EPPK1: variants seen among roughly 807,000 people sequenced by gnomAD.
The protein encoded by EPPK1 is epiplakin.
For synonymous variants in EPPK1, 1,862 were observed against 1,721.2 expected, an observed-to-expected ratio of 1.08 and a Z score of -2.03; for missense variants, 3,823 against 3,673.3, an observed-to-expected ratio of 1.04 and a Z score of -1.05.
chr8:143,873,047 C>T lies in EPPK1; in HGVS notation c.207G>A (p.Gly69=). ...GGGCCTCTAGCAGAGCCTGCCCGAG[C>T]CCAGCAGGCAGGAGGCCCTGCTCCA... ...AAMEQGLLPA[G]LGQALLEAQA... The change falls in exon 2 of 2, where the codon GGG becomes GGA. Residue 69 remains glycine (G), a synonymous_variant. Transcript: ENST00000615648. The T allele has an allele frequency of 1.3e-6, 2 of 1,563,702 alleles. No homozygotes were observed. Among genetic ancestry groups the T allele is most frequent in the Non-Finnish European group, 1.7e-6 (2 of 1,154,360 alleles).
intron 1 of EPPK1, 81 bp downstream of exon 1, chr8:143,878,357 C>A (rs1259934663): frequency 7.1e-6 from 1 of 140,108 alleles, no homozygotes. Context: ...CGAGCCCGCA[C>A]CCGCACCCGC....
chr8:143,872,538 C>A lies in EPPK1; in HGVS notation c.716G>T (p.Gly239Val). Residue 239 changes from glycine to valine, a missense_variant, in exon 2 of 2, where the codon GGC becomes GTC. Physicochemically the swap from Gly to Val is moderately radical, Grantham distance 109 (BLOSUM62 -3). Coordinates refer to ENST00000615648, the MANE Select transcript of EPPK1 (RefSeq NM_031308.4). ...LPLKITFRSM[G>V]GAVSAAELLE... is the part of the protein sequence containing the mutation. ...CAGCTCAGCTGCACTCACCGCCCCG[C>A]CCATGGAGCGGAAGGTGATCTTGAG... The A allele has an allele frequency of 1.9e-6, 3 of 1,604,216 alleles. No homozygotes were observed. Among genetic ancestry groups the A allele is most frequent in the Non-Finnish European group, 2.5e-6 (3 of 1,178,106 alleles).
In EPPK1 at chr8:143,857,454, G is replaced by A. The variant is rs1297607324; in HGVS notation, c.*533C>T. The stretch of plus-strand genomic sequence containing the variant: ...AAGGTGGAGCAGCAGCCAATGGAGA[G>A]AATAAAGCCCATGCTTTTGGCCAGC... On this transcript the variant is annotated 3_prime_UTR_variant, in exon 2 of 2. Coordinates refer to ENST00000615648, the MANE Select transcript of EPPK1 (RefSeq NM_031308.4). 1.3e-5 allele frequency: 2 copies of A among 154,044 alleles called. No homozygotes were observed. Among genetic ancestry groups the A allele is most frequent in the Non-Finnish European group, 2.9e-5 (2 of 69,416 alleles). 9.5% of individuals were successfully genotyped at this position (154,044 alleles called of 1,614,324 possible).
chr8:143,872,935 C>A lies in EPPK1; in HGVS notation c.319G>T (p.Glu107Ter). 6.2e-7 allele frequency: 1 copy of A among 1,610,210 alleles called. No homozygotes were observed. Among genetic ancestry groups the A allele is most frequent in the Non-Finnish European group, 8.5e-7 (1 of 1,178,052 alleles). ...GCGGCCAGCAGCTTCTCCTTCAGCT[C>A]CAGCCCCACCAGACCCTGCTGCAGG... ...KALQQGLVGL[E>*]LKEKLLAAER... Residue 107 changes from glutamate to a stop codon, truncating the protein, a stop_gained, in exon 2 of 2, where the codon GAG (glutamate) becomes TAG (stop). Transcript: ENST00000615648. LOFTEE classifies it low-confidence loss of function (END_TRUNC).
rs782467181 is a variant in EPPK1 at position 143,870,713 on chromosome 8, C to G, written c.2541G>C (p.Arg847Ser). The change falls in exon 2 of 2, where the codon AGG becomes AGC. Residue 847 changes from arginine (R) to serine (S), a missense_variant. Coordinates refer to ENST00000615648, the MANE Select transcript of EPPK1 (RefSeq NM_031308.4). The surrounding 1 kb of genome is among the most constrained non-coding windows in gnomAD (Gnocchi z 5.2). ...GCCGGTAGCGACGCAGCAGCTGCCT[C>G]CTGCGGCCCTCGCTGAAGTACTCAG... ...INSEYFSEGR[R>S]RQLLRRYRQR... 1.9e-6 allele frequency: 3 copies of G among 1,611,176 alleles called. No homozygotes were observed. The highest frequency in any genetic ancestry group is 2.5e-6 in the Non-Finnish European group (3 of 1,179,136).
At chr8:143,875,786 G>A (rs933182470) in intron 1 of EPPK1, among the ~76,000 whole-genome samples, 17 of 152,252 alleles carry the variant, frequency 1.1e-4, no homozygotes, top group African/African-American at 4.1e-4. Flanking sequence ...CTTCCTGAAG[G>A]CACAGCCGGG....
In EPPK1 at chr8:143,869,082, T is replaced by C. The variant is rs1819243873; in HGVS notation, c.4172A>G (p.Gln1391Arg). 6.2e-7 allele frequency: 1 copy of C among 1,607,668 alleles called. No homozygotes were observed. Among genetic ancestry groups the C allele is most frequent in the Non-Finnish European group, 8.5e-7 (1 of 1,179,804 alleles). Residue 1391 changes from glutamine to arginine, a missense_variant, in exon 2 of 2, where the codon CAG becomes CGG. Gln to Arg is a conservative substitution (Grantham distance 43, BLOSUM62 1). Transcript: ENST00000615648. ...RLGLLDTQTS[Q>R]VLTAVDKDNK... is the part of the protein sequence containing the mutation. Reference sequence around the variant, plus strand: ...GTCCTTGTCAACTGCAGTCAGCACCTGGCTCGTCTGTGTGTCCAGAAGGCC... The same window carrying C: ...GTCCTTGTCAACTGCAGTCAGCACCCGGCTCGTCTGTGTGTCCAGAAGGCC...
At position 143,864,266 on chromosome 8, in the gene EPPK1, G is replaced by A. The variant is rs2130609747; in HGVS notation, c.8988C>T (p.Tyr2996=). 2 of 260,812 alleles carry A rather than the reference G, an allele frequency of 7.7e-6. No individual in the cohort carries two copies. The highest frequency in any genetic ancestry group is 7.6e-5 in the East Asian group (2 of 26,274). 16.2% of individuals were successfully genotyped at this position (260,812 alleles called of 1,614,324 possible). A position where few individuals can be genotyped will look rare whatever the true frequency, so the allele number is the denominator to read the frequency against. The change falls in exon 2 of 2, where the codon TAC becomes TAT. Residue 2996 remains tyrosine, a synonymous_variant. Coordinates refer to ENST00000615648, the MANE Select transcript of EPPK1 (RefSeq NM_031308.4). The stretch of plus-strand genomic sequence containing the variant: ...GGCGCCGGTCCTCGGACACCTCGCG[G>A]TAGAAGAGGAGCTCCCAGACGGAGA... ...QSVSVWELLF[Y]REVSEDRRQD... is the part of the protein sequence containing the mutation.
Position 143,859,330 on chromosome 8 carries a change from C to CGGCCTCGGCCTCGGCCCGGGCCTG in EPPK1, c.13900_13923dup (p.Gln4634_Ala4641dup), listed in dbSNP as rs1818991592. The CGGCCTCGGCCTCGGCCCGGGCCTG allele has an allele frequency of 9.4e-6, 2 of 212,190 alleles. 1 individual carries two copies. Among genetic ancestry groups the CGGCCTCGGCCTCGGCCCGGGCCTG allele is most frequent in the African/African-American group, 7.5e-5 (2 of 26,804 alleles). 13.1% of individuals were successfully genotyped at this position (212,190 alleles called of 1,614,324 possible). ...GGGTCTGGGCGCGGGCTCCCGGCCT[C>CGGCCTCGGCCTCGGCCCGGGCCTG]GGCCTCGGCCTCGGCCCGGGCCTGG... On this transcript the variant is annotated inframe_insertion, in exon 2 of 2. Coordinates refer to ENST00000615648, the MANE Select transcript of EPPK1 (RefSeq NM_031308.4).
chr8:143,857,736 G>A lies in EPPK1; in HGVS notation c.*251C>T. Reference sequence around the variant, plus strand: ...AGAAAAATGTTCTGAAAACGAAAAAGGAGAGAAAAGTAAAACCATATGACA... The same window carrying A: ...AGAAAAATGTTCTGAAAACGAAAAAAGAGAGAAAAGTAAAACCATATGACA... On this transcript the variant is annotated 3_prime_UTR_variant, in exon 2 of 2. Coordinates refer to ENST00000615648, the MANE Select transcript of EPPK1 (RefSeq NM_031308.4). 2.4e-6 allele frequency: 1 copy of A among 418,324 alleles called. No homozygotes were observed. Among genetic ancestry groups the A allele is most frequent in the Non-Finnish European group, 4.2e-6 (1 of 238,718 alleles). The allele number at this position is 418,324 out of a possible 1,614,324, so 25.9% of individuals were successfully genotyped here. A position where few individuals can be genotyped will look rare whatever the true frequency, so the allele number is the denominator to read the frequency against.
In EPPK1 at chr8:143,867,604, T is replaced by A; in HGVS notation, c.5650A>T (p.Ser1884Cys). 1.9e-6 allele frequency: 3 copies of A among 1,613,214 alleles called. No homozygotes were observed. The highest frequency in any genetic ancestry group is 2.5e-6 in the Non-Finnish European group (3 of 1,179,872). ...TAGGGCTTCACACACTCCAGCGTGC[T>A]GAGTGCCTGTCCCCCAGTCCTCCCC... The part of the protein sequence containing the change: ...RVGRTGGQAL[S>C]TLECVKPYLE... The change falls in exon 2 of 2, where the codon AGC becomes TGC. Residue 1884 changes from serine to cysteine, a missense_variant. By Grantham distance (112) the Ser-to-Cys change is moderately radical. Coordinates refer to ENST00000615648, the MANE Select transcript of EPPK1 (RefSeq NM_031308.4).
Position 143,857,739 on chromosome 8 carries a change from G to A in EPPK1, c.*248C>T, listed in dbSNP as rs1818919837. The A allele has an allele frequency of 2.4e-6, 1 of 419,746 alleles. No homozygotes were observed. Among genetic ancestry groups the A allele is most frequent in the Non-Finnish European group, 4.2e-6 (1 of 239,686 alleles). 26.0% of individuals were successfully genotyped at this position (419,746 alleles called of 1,614,324 possible). ...AAAATGTTCTGAAAACGAAAAAGGA[G>A]AGAAAAGTAAAACCATATGACACAT... On this transcript the variant is annotated 3_prime_UTR_variant, in exon 2 of 2. Transcript: ENST00000615648.
Position 143,869,166 on chromosome 8 carries a change from C to T in EPPK1, c.4088G>A (p.Gly1363Glu), listed in dbSNP as rs782269259. The change falls in exon 2 of 2, where the codon GGG (glycine) becomes GAG (glutamate). Residue 1363 changes from glycine (G) to glutamate (E), a missense_variant. Physicochemically the swap from Gly to Glu is moderately conservative, Grantham distance 98. Coordinates refer to ENST00000615648, the MANE Select transcript of EPPK1 (RefSeq NM_031308.4). ...CCCGTGGACAGGGTCCACCACACCC[C>T]CTGTGGCCAGCTGCACCTGCAGGAG... ...LPLLQVQLAT[G>E]GVVDPVHGVH... 1.9e-6 allele frequency: 3 copies of T among 1,607,854 alleles called. No homozygotes were observed. The highest frequency in any genetic ancestry group is 2.5e-6 in the Non-Finnish European group (3 of 1,179,548).
In EPPK1 at chr8:143,869,511, A is replaced by G. The variant is rs782482957; in HGVS notation, c.3743T>C (p.Val1248Ala). The G allele has an allele frequency of 1.2e-5, 18 of 1,549,754 alleles. No homozygotes were observed. The highest frequency in any genetic ancestry group is 1.6e-5 in the Non-Finnish European group (18 of 1,152,086). ...AGAGGGCTGTAGCAGCACACCGGCC[A>G]CGCAGCCTGTGCCCCACAGGCAGGC... Reference protein sequence around the residue: ...VKACLWGTGCVAGVLLQPSGA... With the variant: ...VKACLWGTGCAAGVLLQPSGA... Residue 1248 changes from valine (V) to alanine (A), a missense_variant, in exon 2 of 2, where the codon GTG becomes GCG. Physicochemically the swap from Val to Ala is moderately conservative, Grantham distance 64. Coordinates refer to ENST00000615648, the MANE Select transcript of EPPK1 (RefSeq NM_031308.4).
Position 143,868,996 on chromosome 8 carries a change from G to A in EPPK1, c.4258C>T (p.Arg1420Cys), listed in dbSNP as rs376120694. ...CCGGTCTCGGAGTCGCACACGCAGC[G>A]CTCCCTGAGCTGCTGGTAGGTCACC... The part of the protein sequence containing the change: ...DQVTYQQLRE[R>C]CVCDSETGLL... The change falls in exon 2 of 2, where the codon CGC becomes TGC. Residue 1420 changes from arginine to cysteine, a missense_variant. Physicochemically the swap from Arg to Cys is radical, Grantham distance 180. Coordinates refer to ENST00000615648, the MANE Select transcript of EPPK1 (RefSeq NM_031308.4). 151 of 1,610,146 alleles carry A rather than the reference G, an allele frequency of 9.4e-5. No homozygotes were observed. In the Admixed American group the frequency reaches 1.7e-3, roughly 18 times the overall value.
chr8:143,873,136 C>T lies in EPPK1; in HGVS notation c.118G>A (p.Ala40Thr), dbSNP rs547650598. ...ACATACACCCCAGCTATGCTCCTGGCCTGGGGCCTGGGGGGCGTGCCGGCT... is the reference window on the plus strand; with the variant it reads ...ACATACACCCCAGCTATGCTCCTGGTCTGGGGCCTGGGGGGCGTGCCGGCT... Reference protein sequence around the residue: ...LGAGTPPRPQARSIAGVYVEA... With the variant: ...LGAGTPPRPQTRSIAGVYVEA... The change falls in exon 2 of 2, where the codon GCC (alanine) becomes ACC (threonine). Residue 40 changes from alanine (A) to threonine (T), a missense_variant. Ala to Thr is a moderately conservative substitution (Grantham distance 58, BLOSUM62 0). Coordinates refer to ENST00000615648, the MANE Select transcript of EPPK1 (RefSeq NM_031308.4). 12 of 1,583,714 alleles carry T rather than the reference C, an allele frequency of 7.6e-6. No homozygotes were observed. The Admixed American group carries it at 2.0e-4, about 26-fold the overall frequency.
rs1174669945 is a variant in EPPK1 at position 143,865,435 on chromosome 8, C to T, written c.7819G>A (p.Asp2607Asn). The T allele has an allele frequency of 1.7e-3, 398 of 236,734 alleles. 3 individuals carry two copies. Among genetic ancestry groups the T allele is most frequent in the Admixed American group, 3.1e-3 (46 of 14,698 alleles). 14.7% of individuals were successfully genotyped at this position (236,734 alleles called of 1,614,324 possible). ...CCCTCTCGCTGGGAGCGCCCCGAGTCGCCGTCCCCTCGCCCGGCTGGCCCT... is the reference window on the plus strand; with the variant it reads ...CCCTCTCGCTGGGAGCGCCCCGAGTTGCCGTCCCCTCGCCCGGCTGGCCCT... ...EPGPAGRGDG[D>N]SGRSQREGQG... is the part of the protein sequence containing the mutation. The change falls in exon 2 of 2, where the codon GAC becomes AAC. Residue 2607 changes from aspartate (D) to asparagine (N), a missense_variant. Asp to Asn is a conservative substitution (Grantham distance 23). Coordinates refer to ENST00000615648, the MANE Select transcript of EPPK1 (RefSeq NM_031308.4).
chr8:143,870,832 T>C lies in EPPK1; in HGVS notation c.2422A>G (p.Ser808Gly), dbSNP rs781938674. 16 of 1,612,692 alleles carry C rather than the reference T, an allele frequency of 9.9e-6. No homozygotes were observed. The highest frequency in any genetic ancestry group is 1.3e-5 in the Non-Finnish European group (15 of 1,179,882). Reference protein sequence around the residue: ...LSSTQSPLVDSATQQAFQNLL... With the variant: ...LSSTQSPLVDGATQQAFQNLL... Reference sequence around the variant, plus strand: ...TTCTGGAAGGCCTGCTGGGTGGCACTGTCCACCAGCGGGGACTGCGTGCTG... The same window carrying C: ...TTCTGGAAGGCCTGCTGGGTGGCACCGTCCACCAGCGGGGACTGCGTGCTG... The change falls in exon 2 of 2, where the codon AGT (serine) becomes GGT (glycine). Residue 808 changes from serine to glycine, a missense_variant. Ser to Gly is a moderately conservative substitution (Grantham distance 56). Transcript: ENST00000615648. This position sits in a 1 kb window ranked among gnomAD's most constrained non-coding sequence, Gnocchi z 5.2.
Position 143,871,471 on chromosome 8 carries a change from C to T in EPPK1, c.1783G>A (p.Asp595Asn), listed in dbSNP as rs782100157. ...RLEHGQATAK[D>N]VGSLASVQRY... is the part of the protein sequence containing the mutation. Reference sequence around the variant, plus strand: ...TGCACCGAGGCCAGGCTGCCCACATCCTTGGCTGTGGCCTGTCCATGCTCC... The same window carrying T: ...TGCACCGAGGCCAGGCTGCCCACATTCTTGGCTGTGGCCTGTCCATGCTCC... The change falls in exon 2 of 2, where the codon GAT (aspartate) becomes AAT (asparagine). Residue 595 changes from aspartate to asparagine, a missense_variant. Asp to Asn is a conservative substitution (Grantham distance 23). Coordinates refer to ENST00000615648, the MANE Select transcript of EPPK1 (RefSeq NM_031308.4). The T allele has an allele frequency of 6.2e-7, 1 of 1,608,850 alleles. No individual in the cohort carries two copies. The highest frequency in any genetic ancestry group is 8.5e-7 in the Non-Finnish European group (1 of 1,178,572).
Sources: gnomAD v4.1 joint callset for allele counts (sites outside exome capture counted in the v4.1 genomes callset) on GRCh38, gnomAD v4.1.1 for gene constraint, Gnocchi (gnomAD v3.1) non-coding constraint, MANE v1.5 for transcripts, NCBI Gene and HGNC (gene_info 2026-07-23, HGNC 2026-07-21) for gene names.